Variants in AUTS2 observed in about 807,000 individuals in gnomAD.
The protein encoded by AUTS2 is activator of transcription and developmental regulator AUTS2.
Under a neutral mutation model 112.4 loss-of-function variants are expected in AUTS2, and 17 were observed. The observed-to-expected ratio is 0.15, with a 90% CI of 0.10 to 0.23. The LOEUF (loss-of-function observed/expected upper bound fraction) is 0.23. Ranked by LOEUF, AUTS2 falls within the 10% of genes least tolerant of loss-of-function variation. The probability of loss-of-function intolerance (pLI) is 1.00; values close to 1 mark genes in which losing one functional copy is unlikely to be tolerated. For synonymous variants in AUTS2, 751 were observed against 702.7 expected, an observed-to-expected ratio of 1.07 and a Z score of -1.09; for missense variants, 1,510 against 1,701.6, an observed-to-expected ratio of 0.89 and a Z score of 1.98.
At chr7:70,553,760 C>CTTTTTTTTTTT (rs71531706) in intron 5 of AUTS2, among the ~76,000 whole-genome samples, 4 of 56,116 alleles carry the variant, frequency 7.1e-5, no homozygotes, top group East Asian at 1.1e-3. Flanking sequence ...GCCTTTCTTT[C>CTTTTTTTTTTT]TTTTTTTTTT....
intron 2 of AUTS2, among the ~76,000 whole-genome samples, chr7:70,088,387 A>T (rs570249557): frequency 6.6e-6 from 1 of 152,188 alleles, no homozygotes; most frequent in Admixed American, 6.5e-5. Context: ...TCAGCCTCCC[A>T]AAGTGCTGGG....
intron 1 of AUTS2, among the ~76,000 whole-genome samples, chr7:69,670,910 T>G (rs746308332): frequency 6.6e-6 from 1 of 152,160 alleles, no homozygotes; most frequent in Non-Finnish European, 1.5e-5. Context: ...AATAGACATT[T>G]CTGTGGCTTG....
At chr7:69,728,545 A>T (rs1404345345) in intron 1 of AUTS2, among the ~76,000 whole-genome samples, 2 of 152,084 alleles carry the variant, frequency 1.3e-5, no homozygotes, top group Non-Finnish European at 2.9e-5. Context: ...CATTCTTCCC[A>T]AGGGTAGGTA....
chr7:69,640,493 C>T (rs1454220752), intron 1 of AUTS2, among the ~76,000 whole-genome samples: 1 of 152,198 alleles, frequency 6.6e-6, no homozygotes, highest in Non-Finnish European at 1.5e-5. Context: ...GTTTCTTCAA[C>T]CCGTAAATGC....
chr7:70,723,513 G>C (rs1786821062), intron 6 of AUTS2, among the ~76,000 whole-genome samples: 1 of 151,924 alleles, frequency 6.6e-6, no homozygotes, highest in African/African-American at 2.4e-5. Flanking sequence ...TGCACTCTTA[G>C]CCACTCTGTT....
rs78487775 is a variant in AUTS2 at position 70,602,046 on chromosome 7, G to T, written c.691-96523G>T. Among the ~76,000 whole-genome samples, 316 of 152,224 alleles carry T rather than the reference G, an allele frequency of 2.1e-3. 1 individual carries two copies. The highest frequency in any genetic ancestry group is 3.4e-3 in the Middle Eastern group (1 of 294). On this transcript the variant is annotated intron_variant, in intron 5 of 18. Transcript: ENST00000342771. ...TGTCCATCCCAACCCCCCAGGGCAG[G>T]TGCCTCTCTCAAGATACCTGAGACT... is the stretch of plus-strand genomic sequence containing the variant.
chr7:70,417,428 A>T (rs191634170), intron 4 of AUTS2, among the ~76,000 whole-genome samples: 100 of 152,350 alleles, frequency 6.6e-4, no homozygotes, highest in Admixed American at 1.0e-3. Context: ...CCAGAAGCAC[A>T]GCGAGGCAAT....
chr7:69,958,318 C>T (rs1191091358), intron 2 of AUTS2, among the ~76,000 whole-genome samples: 1 of 152,114 alleles, frequency 6.6e-6, no homozygotes, highest in African/African-American at 2.4e-5. Flanking sequence ...CCTGCAAAAC[C>T]TAAAGTATTT....
chr7:70,626,615 C>T (rs1186630040), intron 5 of AUTS2, among the ~76,000 whole-genome samples: 6 of 152,060 alleles, frequency 3.9e-5, no homozygotes, highest in Admixed American at 3.9e-4. Flanking sequence ...ATCTCATCAG[C>T]CAGGTACTGA....
chr7:70,065,418 G>A (rs1332634305), intron 2 of AUTS2, among the ~76,000 whole-genome samples: 1 of 152,034 alleles, frequency 6.6e-6, no homozygotes, highest in Non-Finnish European at 1.5e-5. Flanking sequence ...TTATTGCCAG[G>A]CACGGTGGCT....
At chr7:70,103,988 T>A (rs923760625) in intron 2 of AUTS2, among the ~76,000 whole-genome samples, 1 of 151,778 alleles carries the variant, frequency 6.6e-6, no homozygotes, top group South Asian at 2.1e-4. Context: ...ATCACAAAAA[T>A]GAAAGCAGCT....
At chr7:70,360,649 A>C (rs1283705669) in intron 4 of AUTS2, among the ~76,000 whole-genome samples, 1 of 152,060 alleles carries the variant, frequency 6.6e-6, no homozygotes, top group Admixed American at 6.6e-5. Flanking sequence ...AAATCTTATA[A>C]ATGACTTTCT....
At chr7:70,537,996 C>T (rs1800391318) in intron 5 of AUTS2, among the ~76,000 whole-genome samples, 1 of 152,146 alleles carries the variant, frequency 6.6e-6, no homozygotes, top group East Asian at 1.9e-4. Flanking sequence ...CACCTGTCAT[C>T]CCAGCATTTT....
intron 2 of AUTS2, among the ~76,000 whole-genome samples, chr7:69,900,402 T>G (rs940345187): frequency 1.3e-5 from 2 of 152,242 alleles, no homozygotes; most frequent in African/African-American, 4.8e-5. Context: ...ATTTTTGGTT[T>G]GCAGATGTTT....
chr7:70,706,161 C>T (rs1249944731), intron 6 of AUTS2, among the ~76,000 whole-genome samples: 3 of 152,192 alleles, frequency 2.0e-5, no homozygotes, highest in Non-Finnish European at 2.9e-5. Context: ...AGCTCAGAGT[C>T]CTACAACAAC....
intron 5 of AUTS2, among the ~76,000 whole-genome samples, chr7:70,538,731 A>T (rs1367586616): frequency 2.6e-5 from 4 of 152,242 alleles, no homozygotes; most frequent in African/African-American, 9.6e-5. Context: ...TGTTTAAAGC[A>T]TGATACCCAG....
intron 5 of AUTS2, among the ~76,000 whole-genome samples, chr7:70,668,121 A>T (rs1245217765): frequency 6.6e-6 from 1 of 152,180 alleles, no homozygotes; most frequent in Non-Finnish European, 1.5e-5. Context: ...GTGGGACTTT[A>T]GGTGTGTGCC....
intron 1 of AUTS2, among the ~76,000 whole-genome samples, chr7:69,803,500 C>A (rs1050960999): frequency 3.4e-5 from 5 of 147,162 alleles, no homozygotes; most frequent in African/African-American, 1.3e-4. Flanking sequence ...AAATAAAAGT[C>A]CTTGCATACA....
chr7:69,937,607 C>CTGGG (rs1432574576), intron 2 of AUTS2, among the ~76,000 whole-genome samples: 1 of 152,144 alleles, frequency 6.6e-6, no homozygotes, highest in Non-Finnish European at 1.5e-5. Context: ...TGAGTATGGA[C>CTGGG]CTCTTCCACA....
Sources: gnomAD v4.1 joint callset for allele counts (sites outside exome capture counted in the v4.1 genomes callset) on GRCh38, gnomAD v4.1.1 for gene constraint, MANE v1.5 for transcripts, NCBI Gene and HGNC (gene_info 2026-07-23, HGNC 2026-07-21) for gene names.